Variants in HS6ST1 observed in about 807,000 individuals in gnomAD.
The protein encoded by HS6ST1 is heparan sulfate 6-O-sulfotransferase 1, also known as heparan-sulfate 6-O-sulfotransferase 1.
Under a neutral mutation model 25.2 loss-of-function variants are expected in HS6ST1, and 3 were observed. The observed-to-expected ratio is 0.12, with a 90% CI of 0.05 to 0.31. The LOEUF is 0.31. Among genes scored for constraint, HS6ST1 ranks in the 10% least tolerant of loss-of-function variants. HS6ST1 has a pLI of 1.00. For missense variants in HS6ST1, 310 were observed against 609.6 expected (o/e 0.51, Z 5.18); for synonymous variants, 204 against 275.1 (o/e 0.74, Z 2.56).
intron 1 of HS6ST1, among the ~76,000 whole-genome samples, chr2:128,276,586 G>A (rs1693699036): frequency 6.6e-6 from 1 of 152,166 alleles, no homozygotes; most frequent in South Asian, 2.1e-4. Context: ...TGGGGGTACA[G>A]GTGTTCACTG....
intron 1 of HS6ST1, among the ~76,000 whole-genome samples, chr2:128,273,781 C>G (rs187878484): frequency 6.6e-6 from 1 of 152,228 alleles, no homozygotes; most frequent in African/African-American, 2.4e-5. Context: ...TGTCATCTGC[C>G]AAAAGGCGGG....
intron 1 of HS6ST1, among the ~76,000 whole-genome samples, chr2:128,294,671 CGTGT>C (rs56059401): frequency 0.28 from 37,374 of 135,832 alleles, 4,966 homozygotes; most frequent in Non-Finnish European, 0.29. Context: ...AGAAGGGAGG[CGTGT>C]GTGTGTGTGT....
chr2:128,308,588 TGGCCAGAGAG>T (rs995237249), intron 1 of HS6ST1, among the ~76,000 whole-genome samples: 1 of 152,224 alleles, frequency 6.6e-6, no homozygotes, highest in African/African-American at 2.4e-5. Context: ...TCCTGGCTGC[TGGCCAGAGAG>T]GGCCAGAGCT....
Position 128,265,657 on chromosome 2 carries a change from T to C in HS6ST1, c.*2505A>G, listed in dbSNP as rs374114190. On this transcript the variant is annotated 3_prime_UTR_variant, in exon 2 of 2. Coordinates refer to ENST00000259241, the MANE Select transcript of HS6ST1 (RefSeq NM_004807.3). ...AAATAAATAAAGCTTTAAACAATCC[T>C]GGGTTCAAGTTAAACAGTTCCAGTT... 14 of 152,230 alleles carry C rather than the reference T, an allele frequency of 9.2e-5. No individual in the cohort carries two copies. In the East Asian group the frequency reaches 1.7e-3, roughly 19 times the overall value. The allele number at this position is 152,230 out of a possible 1,614,324, so 9.4% of individuals were successfully genotyped here. A position where few individuals can be genotyped will look rare whatever the true frequency, so the allele number is the denominator to read the frequency against.
At chr2:128,301,004 C>T (rs568709609) in intron 1 of HS6ST1, among the ~76,000 whole-genome samples, 1 of 152,352 alleles carries the variant, frequency 6.6e-6, no homozygotes, top group East Asian at 1.9e-4. Context: ...GGAATGGGAG[C>T]CCTGGGTCAC....
chr2:128,316,704 T>G (rs926821680), intron 1 of HS6ST1, among the ~76,000 whole-genome samples: 2 of 150,992 alleles, frequency 1.3e-5, no homozygotes, highest in Admixed American at 6.6e-5. Flanking sequence ...TGTGTGTGTG[T>G]GTGGGTGTGT....
intron 1 of HS6ST1, among the ~76,000 whole-genome samples, chr2:128,297,606 C>A (rs759165329): frequency 2.0e-5 from 3 of 152,118 alleles, no homozygotes; most frequent in African/African-American, 7.2e-5. Context: ...GGTGGGTGAT[C>A]CACCTGATCA....
At chr2:128,311,909 A>G (rs1488782886) in intron 1 of HS6ST1, among the ~76,000 whole-genome samples, 1 of 152,192 alleles carries the variant, frequency 6.6e-6, no homozygotes, top group African/African-American at 2.4e-5. Flanking sequence ...GGGTGGCCAC[A>G]CTGCGCCAGG....
chr2:128,298,832 TAAAAAACAA>T, intron 1 of HS6ST1, among the ~76,000 whole-genome samples: 1 of 152,034 alleles, frequency 6.6e-6, no homozygotes, highest in East Asian at 1.9e-4. Flanking sequence ...TTCACCACAA[TAAAAAACAA>T]AAAAAGGCTT....
chr2:128,268,703 C>A lies in HS6ST1; in HGVS notation c.695G>T (p.Gly232Val). 1 of 1,612,060 alleles carries A rather than the reference C, an allele frequency of 6.2e-7. No individual in the cohort carries two copies. Among genetic ancestry groups the A allele is most frequent in the Non-Finnish European group, 8.5e-7 (1 of 1,179,884 alleles). The change falls in exon 2 of 2, where the codon GGC becomes GTC. Residue 232 changes from glycine (G) to valine (V), a missense_variant. Around this residue, in one of 5 missense-constraint regions of HS6ST1, gnomAD observed 98 missense variants for 270.3 expected, o/e 0.36. Coordinates refer to ENST00000259241, the MANE Select transcript of HS6ST1 (RefSeq NM_004807.3). ...GTCCATGAACTCCTGTAGCGTGCAGCCCGACCAGTCCGTGCCCTCGTAGCA... is the reference window on the plus strand; with the variant it reads ...GTCCATGAACTCCTGTAGCGTGCAGACCGACCAGTCCGTGCCCTCGTAGCA... ...PPCYEGTDWSGCTLQEFMDCP... is the reference protein window; with the variant it reads ...PPCYEGTDWSVCTLQEFMDCP...
intron 1 of HS6ST1, among the ~76,000 whole-genome samples, chr2:128,280,763 TC>T (rs1558871086): frequency 1.3e-5 from 2 of 151,988 alleles, no homozygotes; most frequent in Non-Finnish European, 2.9e-5. Context: ...CCCCATGACA[TC>T]AGTGGTCAGG....
chr2:128,306,946 T>C (rs766644509), intron 1 of HS6ST1, among the ~76,000 whole-genome samples: 19 of 151,934 alleles, frequency 1.3e-4, no homozygotes, highest in Non-Finnish European at 2.6e-4. Flanking sequence ...GGCGTGGACA[T>C]TCAGCTCTTT....
intron 1 of HS6ST1, among the ~76,000 whole-genome samples, chr2:128,280,695 A>AT (rs148336199): frequency 0.013 from 1,910 of 147,790 alleles, 31 homozygotes; most frequent in African/African-American, 0.031. Flanking sequence ...GAGTAGTCAG[A>AT]TTTTTTTTTT....
chr2:128,279,450 G>A (rs1023550365), intron 1 of HS6ST1, among the ~76,000 whole-genome samples: 4 of 150,816 alleles, frequency 2.7e-5, no homozygotes, highest in Non-Finnish European at 5.9e-5. Context: ...CGGCTTCAGC[G>A]AAACAACAAG....
chr2:128,282,117 C>T (rs1693798153), intron 1 of HS6ST1, among the ~76,000 whole-genome samples: 1 of 152,226 alleles, frequency 6.6e-6, no homozygotes, highest in Non-Finnish European at 1.5e-5. Context: ...CTCAGGACGC[C>T]CTGCTGACTA....
rs142879758 is a variant in HS6ST1, at chr2:128,306,470, C to T, written c.527+11567G>A. ...AGTGCTTACAGATCCCGATCTCCCA[C>T]GGTCACCAATGCTCTAGAGAGGTAA... On this transcript the variant is annotated intron_variant, in intron 1 of 1. Coordinates refer to ENST00000259241, the MANE Select transcript of HS6ST1 (RefSeq NM_004807.3). Among the ~76,000 whole-genome samples the T allele has an allele frequency of 1.5e-4, 23 of 152,324 alleles. No individual in the cohort carries two copies. The East Asian group carries it at 3.5e-3, about 23-fold the overall frequency.
chr2:128,287,272 T>C (rs1693877736), intron 1 of HS6ST1, among the ~76,000 whole-genome samples: 1 of 152,078 alleles, frequency 6.6e-6, no homozygotes, highest in African/African-American at 2.4e-5. Context: ...TCAGTGGATA[T>C]ATCCAGGGCC....
At chr2:128,290,364 A>G (rs1693933514) in intron 1 of HS6ST1, among the ~76,000 whole-genome samples, 1 of 152,182 alleles carries the variant, frequency 6.6e-6, no homozygotes, top group Non-Finnish European at 1.5e-5. Flanking sequence ...ACATAATCCT[A>G]ATACCGAAGT....
Position 128,267,370 on chromosome 2 carries a change from C to G in HS6ST1, c.*792G>C, listed in dbSNP as rs1180902799. On this transcript the variant is annotated 3_prime_UTR_variant, in exon 2 of 2. Transcript: ENST00000259241. ...GACTCACGCACAAGTGGCAGCATCC[C>G]TGGCCAAAGCCTCCCCACTCCTGGG... is the stretch of plus-strand genomic sequence containing the variant. The G allele has an allele frequency of 6.6e-6, 1 of 152,458 alleles. No homozygotes were observed. The allele number at this position is 152,458 out of a possible 1,614,324, so 9.4% of individuals were successfully genotyped here.
Sources: gnomAD v4.1 joint callset for allele counts (sites outside exome capture counted in the v4.1 genomes callset) on GRCh38, gnomAD v4.1.1 for gene constraint, gnomAD v4.1.1 regional missense constraint, MANE v1.5 for transcripts, NCBI Gene and HGNC (gene_info 2026-07-23, HGNC 2026-07-21) for gene names.